Variants in SMARCA2 observed in about 807,000 individuals in gnomAD.
SMARCA2 encodes SWI/SNF-related matrix-associated actin-dependent regulator of chromatin subfamily A member 2.
In SMARCA2, 61 loss-of-function variants were observed where a neutral mutation model predicts 199.8. The observed-to-expected ratio is 0.31, with a 90% CI of 0.25 to 0.38. The LOEUF is 0.38. SMARCA2 is among the 10% of genes least tolerant of loss of function. SMARCA2 has a pLI of 1.00. For synonymous variants in SMARCA2, 935 were observed against 732.0 expected (o/e 1.28, Z -4.48); for missense variants, 1,344 against 2,012.2 (o/e 0.67, Z 6.35).
At position 2,159,348 on chromosome 9, in the gene SMARCA2, A is replaced by T. The variant is rs556268636; in HGVS notation, c.3982-2338A>T. On this transcript the variant is annotated intron_variant, in intron 27 of 33. Coordinates refer to ENST00000349721, the MANE Select transcript of SMARCA2 (RefSeq NM_003070.5). ...TAACATATTATGTTAAAATATTTGA[A>T]TCTTAGAACATGTACATTGCTTTTA... is the stretch of plus-strand genomic sequence containing the variant. The T allele has an allele frequency of 7.9e-5, 19 of 240,868 alleles. No individual in the cohort carries two copies. In the South Asian group the frequency reaches 8.4e-4, roughly 11 times the overall value. 14.9% of individuals were successfully genotyped at this position (240,868 alleles called of 1,614,324 possible). A position where few individuals can be genotyped will look rare whatever the true frequency, so the allele number is the denominator to read the frequency against.
chr9:2,052,708 G>A (rs1380070617), intron 5 of SMARCA2, among the ~76,000 whole-genome samples: 1 of 152,026 alleles, frequency 6.6e-6, no homozygotes, highest in Non-Finnish European at 1.5e-5. Context: ...CTAAGCAACT[G>A]TAGGTTTTTT....
In SMARCA2 at chr9:2,047,083, C is replaced by CT. The variant is rs113139565; in HGVS notation, c.791-133dup. ...CTCCCTCCTCTTCCTTCTTGCCCTC[C>CT]TTTTTTTTTTTTTCCTTCTCTTCCC... On this transcript the variant is annotated intron_variant, in intron 4 of 33. Transcript: ENST00000349721. 0.056 allele frequency: 21,384 copies of CT among 380,574 alleles called. 106 individuals are homozygous for CT. The highest frequency in any genetic ancestry group is 0.069 in the African/African-American group (3,028 of 43,670). The allele number at this position is 380,574 out of a possible 1,614,324, so 23.6% of individuals were successfully genotyped here.
At chr9:2,136,731 A>G (rs1306739595) in intron 27 of SMARCA2, among the ~76,000 whole-genome samples, 2 of 152,186 alleles carry the variant, frequency 1.3e-5, no homozygotes, top group African/African-American at 4.8e-5. Context: ...ACAGTTAGCC[A>G]CCTTGAAGAG....
At chr9:2,055,915 T>C (rs574985626) in intron 6 of SMARCA2, among the ~76,000 whole-genome samples, 1 of 152,360 alleles carries the variant, frequency 6.6e-6, no homozygotes, top group African/African-American at 2.4e-5. Context: ...GATTTCTGAT[T>C]TTTGTTTGAT....
chr9:2,180,049 C>A (rs1469281328), intron 29 of SMARCA2, among the ~76,000 whole-genome samples: 1 of 152,070 alleles, frequency 6.6e-6, no homozygotes, highest in Non-Finnish European at 1.5e-5. Context: ...TACTATGTGG[C>A]ATAAGTTAGG....
chr9:2,149,613 C>T (rs563440775), intron 27 of SMARCA2, among the ~76,000 whole-genome samples: 13 of 151,634 alleles, frequency 8.6e-5, no homozygotes, highest in African/African-American at 2.9e-4. Flanking sequence ...AAACCGCTCC[C>T]ATGATTCAAA....
chr9:2,124,216 T>G (rs760979094), intron 27 of SMARCA2, among the ~76,000 whole-genome samples: 1 of 152,262 alleles, frequency 6.6e-6, no homozygotes, highest in African/African-American at 2.4e-5. Context: ...CACAGGATTA[T>G]GAGAGCTGTG....
At chr9:2,029,879 G>A (rs1391293558) in intron 2 of SMARCA2, among the ~76,000 whole-genome samples, 1 of 152,196 alleles carries the variant, frequency 6.6e-6, no homozygotes, top group Non-Finnish European at 1.5e-5. Flanking sequence ...TATGAGGCTT[G>A]GATTGTTGCT....
chr9:2,092,023 A>G (rs905330539), intron 19 of SMARCA2, among the ~76,000 whole-genome samples: 1 of 152,224 alleles, frequency 6.6e-6, no homozygotes, highest in Non-Finnish European at 1.5e-5. Flanking sequence ...CAACACCGCT[A>G]AGCTGTTGTC....
chr9:2,078,228 T>C (rs1305142030), intron 14 of SMARCA2, among the ~76,000 whole-genome samples: 1 of 152,118 alleles, frequency 6.6e-6, no homozygotes, highest in African/African-American at 2.4e-5. Flanking sequence ...TCCTATCACT[T>C]TGGGAGGCTG....
chr9:2,038,221 T>G (rs1447292826), intron 3 of SMARCA2, among the ~76,000 whole-genome samples: 1 of 152,238 alleles, frequency 6.6e-6, no homozygotes, highest in African/African-American at 2.4e-5. Context: ...CAAAAGTTAA[T>G]TGTGTGACTT....
intron 28 of SMARCA2, among the ~76,000 whole-genome samples, chr9:2,163,802 T>C (rs1459547969): frequency 2.6e-5 from 4 of 152,160 alleles, no homozygotes; most frequent in African/African-American, 4.8e-5. Flanking sequence ...CCTTTCATTC[T>C]AAGGTGATGG....
At chr9:2,191,153 C>A in intron 32 of SMARCA2, 113 bp from the exon 33 acceptor site, 2 of 1,027,568 alleles carry the variant, frequency 1.9e-6, no homozygotes, top group Non-Finnish European at 3.0e-6. Context: ...CGGGAATGTT[C>A]TGGGCACTCT....
intron 16 of SMARCA2, 130 bp downstream of exon 16, chr9:2,083,543 G>A (rs777989042): frequency 3.4e-5 from 19 of 551,548 alleles, no homozygotes; most frequent in Non-Finnish European, 4.2e-5. Flanking sequence ...GTACTAAACC[G>A]TGAGAGTTAA....
chr9:2,071,584 CT>C (rs1348685802), intron 10 of SMARCA2, among the ~76,000 whole-genome samples: 1 of 152,104 alleles, frequency 6.6e-6, no homozygotes, highest in Non-Finnish European at 1.5e-5. Context: ...TGACATACAT[CT>C]TTTTTTTCTT....
chr9:2,185,268 T>C (rs1028686883), intron 31 of SMARCA2, among the ~76,000 whole-genome samples: 11 of 152,256 alleles, frequency 7.2e-5, no homozygotes, highest in Non-Finnish European at 1.0e-4. Flanking sequence ...ATGAGTAGAA[T>C]CATAGAGTTA....
chr9:2,126,767 T>C (rs1272877656), intron 27 of SMARCA2, among the ~76,000 whole-genome samples: 1 of 152,228 alleles, frequency 6.6e-6, no homozygotes, highest in Non-Finnish European at 1.5e-5. Context: ...TTCCCATCCC[T>C]TGCTTAAATC....
chr9:2,151,662 G>C (rs1219060594), intron 27 of SMARCA2, among the ~76,000 whole-genome samples: 1 of 152,138 alleles, frequency 6.6e-6, no homozygotes, highest in African/African-American at 2.4e-5. Context: ...GAACCCAGGA[G>C]GTGGAGGTTG....
Position 2,039,348 on chromosome 9 carries a change from T to C in SMARCA2, c.356-118T>C. 6 of 862,834 alleles carry C rather than the reference T, an allele frequency of 7.0e-6. No individual in the cohort carries two copies. The highest frequency in any genetic ancestry group is 1.1e-5 in the Non-Finnish European group (6 of 561,910). The allele number at this position is 862,834 out of a possible 1,614,324, so 53.4% of individuals were successfully genotyped here. On this transcript the variant is annotated intron_variant, in intron 3 of 33. Coordinates refer to ENST00000349721, the MANE Select transcript of SMARCA2 (RefSeq NM_003070.5). The surrounding 1 kb of genome is among the most constrained non-coding windows in gnomAD (Gnocchi z 4.8). ...AACTCCATATAATTAATAAATGATA[T>C]GTCATTCAAATTTCTGTCAGACAGT...
Sources: allele counts gnomAD v4.1 joint callset (sites outside exome capture counted in the v4.1 genomes callset), GRCh38; gene constraint gnomAD v4.1.1; non-coding constraint Gnocchi (gnomAD v3.1); transcripts MANE v1.5; gene names NCBI Gene and HGNC (gene_info 2026-07-23, HGNC 2026-07-21).